ATXN10: variants seen among roughly 807,000 people sequenced by gnomAD.
ATXN10 encodes ataxin-10.
ATXN10 carries 28 observed loss-of-function variants against 52.9 expected under a neutral mutation model. The ratio of observed to expected loss-of-function variants is 0.53; its 90% CI spans 0.39 to 0.73. The LOEUF is 0.73. Ranked by LOEUF, ATXN10 falls within the 30% of genes least tolerant of loss-of-function variation. ATXN10 has a pLI of 0.00. For missense variants in ATXN10, 565 were observed against 577.0 expected (o/e 0.98, Z 0.21); for synonymous variants, 226 against 221.5 (o/e 1.02, Z -0.18).
rs543828076 is a variant in ATXN10, at chr22:45,805,903, C to T, written c.1174-1056C>T. On this transcript the variant is annotated intron_variant, in intron 9 of 11. Transcript: ENST00000252934. The surrounding 1 kb of genome is among the most constrained non-coding windows in gnomAD (Gnocchi z 4.4). ...CTGGGCCAGGCACAGTCACTCATGCCGATAATCCCAGTGCTTTGGGAGACC... is the reference window on the plus strand; with the variant it reads ...CTGGGCCAGGCACAGTCACTCATGCTGATAATCCCAGTGCTTTGGGAGACC... Among the ~76,000 whole-genome samples, 32 of 152,260 alleles carry T rather than the reference C, an allele frequency of 2.1e-4. No individual in the cohort carries two copies. In the South Asian group the frequency reaches 5.6e-3, roughly 27 times the overall value.
rs1425810478 is a variant in ATXN10 at position 45,694,954 on chromosome 22, A to C, written c.391+1876A>C. ...AGACTCTGTCTCAAAAAAAAAAAAAAAAAAAAAAAAAACAAAACCCCAGAA... is the reference window on the plus strand; with the variant it reads ...AGACTCTGTCTCAAAAAAAAAAAAACAAAAAAAAAAAACAAAACCCCAGAA... On this transcript the variant is annotated intron_variant, in intron 3 of 11. Coordinates refer to ENST00000252934, the MANE Select transcript of ATXN10 (RefSeq NM_013236.4). Among the ~76,000 whole-genome samples, 11 of 150,762 alleles carry C rather than the reference A, an allele frequency of 7.3e-5. No homozygotes were observed. In the South Asian group the frequency reaches 1.7e-3, roughly 23 times the overall value.
chr22:45,702,802 T>C lies in ATXN10; in HGVS notation c.602T>C (p.Ile201Thr). 1.9e-6 allele frequency: 3 copies of C among 1,614,000 alleles called. No individual in the cohort carries two copies. The highest frequency in any genetic ancestry group is 2.5e-6 in the Non-Finnish European group (3 of 1,179,984). The change falls in exon 5 of 12, where the codon ATT becomes ACT. Residue 201 changes from isoleucine to threonine, a missense_variant. Ile to Thr is a moderately conservative substitution (Grantham distance 89, BLOSUM62 -1). Coordinates refer to ENST00000252934, the MANE Select transcript of ATXN10 (RefSeq NM_013236.4). ...KELEENLNIA[I>T]DVIDAYQKHP... Reference sequence around the variant, plus strand: ...CTGGAGGAGAACCTCAATATTGCAATTGATGTCATAGATGCTTACCAAAAA... The same window carrying C: ...CTGGAGGAGAACCTCAATATTGCAACTGATGTCATAGATGCTTACCAAAAA...
intron 9 of ATXN10, among the ~76,000 whole-genome samples, chr22:45,764,673 C>G (rs1009542616): frequency 1.3e-5 from 2 of 152,162 alleles, no homozygotes; most frequent in African/African-American, 2.4e-5. Context: ...TTTGAACACC[C>G]AAAGAATTTA....
chr22:45,829,544 A>G (rs1928922581), intron 10 of ATXN10, among the ~76,000 whole-genome samples: 1 of 152,210 alleles, frequency 6.6e-6, no homozygotes. Flanking sequence ...AAGTAGAACT[A>G]TATAAAGTCA....
At chr22:45,773,678 G>C (rs370224827) in intron 9 of ATXN10, among the ~76,000 whole-genome samples, 1 of 152,074 alleles carries the variant, frequency 6.6e-6, no homozygotes, top group East Asian at 1.9e-4. Flanking sequence ...GGCTGGTCTC[G>C]AACTCCTGAC....
Position 45,750,859 on chromosome 22 carries a change from A to G in ATXN10, c.1173+10321A>G, listed in dbSNP as rs954350217. On this transcript the variant is annotated intron_variant, in intron 9 of 11. Transcript: ENST00000252934. This position sits in a 1 kb window ranked among gnomAD's most constrained non-coding sequence, Gnocchi z 4.2. ...AAAGCTTGTAAAAAAGCTTATGTAAAGAGTTTTTCTCCATGATAAGAAGAG... is the reference window on the plus strand; with the variant it reads ...AAAGCTTGTAAAAAAGCTTATGTAAGGAGTTTTTCTCCATGATAAGAAGAG... Among the ~76,000 whole-genome samples the G allele has an allele frequency of 2.0e-5, 3 of 152,244 alleles. No individual in the cohort carries two copies. Among genetic ancestry groups the G allele is most frequent in the African/African-American group, 4.8e-5 (2 of 41,466 alleles).
rs1314618998 is a variant in ATXN10, at chr22:45,672,205, C to G, written c.116+26C>G. The G allele has an allele frequency of 6.5e-5, 98 of 1,512,850 alleles. No individual in the cohort carries two copies. In the East Asian group the frequency reaches 2.6e-3, roughly 39 times the overall value. 93.7% of individuals were successfully genotyped at this position (1,512,850 alleles called of 1,614,324 possible). On this transcript the variant is annotated intron_variant, in intron 1 of 11. Coordinates refer to ENST00000252934, the MANE Select transcript of ATXN10 (RefSeq NM_013236.4). ...GTAACGGGTCCGGCCGGGGGGCTGCCCCGGGCAGGGGAGGGCGGCCGGGAC... is the reference window on the plus strand; with the variant it reads ...GTAACGGGTCCGGCCGGGGGGCTGCGCCGGGCAGGGGAGGGCGGCCGGGAC...
intron 7 of ATXN10, among the ~76,000 whole-genome samples, chr22:45,736,927 G>A (rs1483560922): frequency 6.6e-6 from 1 of 152,096 alleles, no homozygotes; most frequent in African/African-American, 2.4e-5. Flanking sequence ...TTATTAGCAG[G>A]AATATTTTTT....
chr22:45,748,836 T>TA (rs1283156717), intron 9 of ATXN10, among the ~76,000 whole-genome samples: 6 of 152,226 alleles, frequency 3.9e-5, no homozygotes, highest in Admixed American at 2.6e-4. Flanking sequence ...TCCCTGAACT[T>TA]ACAGTTCCTG....
chr22:45,754,257 C>G lies in ATXN10; in HGVS notation c.1173+13719C>G, dbSNP rs973203247. On this transcript the variant is annotated intron_variant, in intron 9 of 11. Coordinates refer to ENST00000252934, the MANE Select transcript of ATXN10 (RefSeq NM_013236.4). This position sits in a 1 kb window ranked among gnomAD's most constrained non-coding sequence, Gnocchi z 5.4. ...TTCAGGTGAAAAAACAGTTTAAATT[C>G]TAGGATATTCTTGCTTTCTACCCAG... Among the ~76,000 whole-genome samples, 1 of 152,222 alleles carries G rather than the reference C, an allele frequency of 6.6e-6. No homozygotes were observed. The highest frequency in any genetic ancestry group is 6.5e-5 in the Admixed American group (1 of 15,284).
chr22:45,801,371 C>T (rs1314131094), intron 9 of ATXN10, among the ~76,000 whole-genome samples: 1 of 152,218 alleles, frequency 6.6e-6, no homozygotes, highest in African/African-American at 2.4e-5. Flanking sequence ...GTCTGCAATG[C>T]CCAAGCCACT....
At chr22:45,810,933 A>G (rs1005692321) in intron 10 of ATXN10, among the ~76,000 whole-genome samples, 3 of 145,250 alleles carry the variant, frequency 2.1e-5, no homozygotes, top group African/African-American at 8.2e-5. Context: ...ACCTAGTAAT[A>G]TGGTCAGTTT....
At position 45,701,137 on chromosome 22, in the gene ATXN10, G is replaced by A. The variant is rs929861934; in HGVS notation, c.488+759G>A. 6.6e-6 allele frequency among the ~76,000 whole-genome samples: 1 copy of A among 152,144 alleles called. No homozygotes were observed. The highest frequency in any genetic ancestry group is 1.5e-5 in the Non-Finnish European group (1 of 68,032). On this transcript the variant is annotated intron_variant, in intron 4 of 11. Coordinates refer to ENST00000252934, the MANE Select transcript of ATXN10 (RefSeq NM_013236.4). The surrounding 1 kb of genome is among the most constrained non-coding windows in gnomAD (Gnocchi z 4.2). ...AATGAATGGGGTGACTTTGATGGTT[G>A]CAACAGTATAAGCAGCACAGCAGGG...
chr22:45,776,444 A>C (rs1229411602), intron 9 of ATXN10, among the ~76,000 whole-genome samples: 1 of 151,684 alleles, frequency 6.6e-6, no homozygotes, highest in East Asian at 1.9e-4. Flanking sequence ...TTCCCCTCTC[A>C]GGAAAGTTCA....
chr22:45,701,049 A>G lies in ATXN10; in HGVS notation c.488+671A>G, dbSNP rs978719099. ...GGTGAGCAGGGAATAGAGTCAGTAT[A>G]CCTAGTAGGAAAGGCACAGTCTGGG... On this transcript the variant is annotated intron_variant, in intron 4 of 11. Coordinates refer to ENST00000252934, the MANE Select transcript of ATXN10 (RefSeq NM_013236.4). This position sits in a 1 kb window ranked among gnomAD's most constrained non-coding sequence, Gnocchi z 4.2. Among the ~76,000 whole-genome samples the G allele has an allele frequency of 6.6e-6, 1 of 152,188 alleles. No individual in the cohort carries two copies. Among genetic ancestry groups the G allele is most frequent in the East Asian group, 1.9e-4 (1 of 5,196 alleles).
At chr22:45,713,206 C>T (rs2146767591) in intron 5 of ATXN10, among the ~76,000 whole-genome samples, 2 of 152,226 alleles carry the variant, frequency 1.3e-5, no homozygotes, top group South Asian at 2.1e-4. Context: ...CCTTTACTAC[C>T]TTCTATTTTG....
At chr22:45,731,544 A>G (rs1032380961) in intron 7 of ATXN10, among the ~76,000 whole-genome samples, 1 of 152,214 alleles carries the variant, frequency 6.6e-6, no homozygotes, top group African/African-American at 2.4e-5. Flanking sequence ...GGTCAGGTAG[A>G]GAGGGAGTAA....
chr22:45,700,421 G>A, intron 4 of ATXN10, 43 bp downstream of exon 4: 1 of 1,484,484 alleles, frequency 6.7e-7, no homozygotes, highest in Middle Eastern at 1.7e-4. Flanking sequence ...TGAGAAGATT[G>A]TGGCTATATT....
Position 45,843,577 on chromosome 22 carries a change from G to T in ATXN10, c.1426-92G>T. On this transcript the variant is annotated intron_variant, in intron 11 of 11. Coordinates refer to ENST00000252934, the MANE Select transcript of ATXN10 (RefSeq NM_013236.4). This position sits in a 1 kb window ranked among gnomAD's most constrained non-coding sequence, Gnocchi z 4.5. ...TTTCTCTAAGTTATTTGTCACCACT[G>T]ACCAAAGTTCTGGGTTTTTTCCCCT... 1.6e-6 allele frequency: 2 copies of T among 1,234,284 alleles called. No individual in the cohort carries two copies. The highest frequency in any genetic ancestry group is 2.5e-5 in the South Asian group (2 of 80,238). The allele number at this position is 1,234,284 out of a possible 1,614,324, so 76.5% of individuals were successfully genotyped here.
Sources: allele counts gnomAD v4.1 joint callset (sites outside exome capture counted in the v4.1 genomes callset), GRCh38; gene constraint gnomAD v4.1.1; non-coding constraint Gnocchi (gnomAD v3.1); transcripts MANE v1.5; gene names NCBI Gene and HGNC (gene_info 2026-07-23, HGNC 2026-07-21).